The following CC2D2A variants were observed in gnomAD, a reference collection of about 807,000 sequenced individuals.
The protein encoded by CC2D2A is coiled-coil and C2 domain-containing protein 2A.
Under a neutral mutation model 212.9 loss-of-function variants are expected in CC2D2A, and 155 were observed. That is an observed-to-expected ratio of 0.73 (90% CI 0.64 to 0.83). The LOEUF (loss-of-function observed/expected upper bound fraction) is 0.83. Ranked by LOEUF, CC2D2A falls within the 40% of genes least tolerant of loss-of-function variation. CC2D2A has a pLI of 0.00. For missense variants in CC2D2A, 1,856 were observed against 1,956.2 expected, an observed-to-expected ratio of 0.95 and a Z score of 0.97; for synonymous variants, 667 against 686.5, an observed-to-expected ratio of 0.97 and a Z score of 0.44.
At chr4:15,496,278 T>C (rs575493569) in intron 4 of CC2D2A, among the ~76,000 whole-genome samples, 1 of 152,320 alleles carries the variant, frequency 6.6e-6, no homozygotes, top group South Asian at 2.1e-4. Flanking sequence ...GCAATTGCTT[T>C]TGGAGACTTC....
chr4:15,522,708 T>G (rs891809106), intron 11 of CC2D2A, among the ~76,000 whole-genome samples: 28 of 152,232 alleles, frequency 1.8e-4, no homozygotes, highest in African/African-American at 6.7e-4. Context: ...TAATACATCT[T>G]AAGAAGTAAT....
At chr4:15,582,627 C>G (rs1229976288) in intron 30 of CC2D2A, among the ~76,000 whole-genome samples, 2 of 152,080 alleles carry the variant, frequency 1.3e-5, no homozygotes, top group African/African-American at 2.4e-5. Flanking sequence ...ACATATACAA[C>G]TTACCAAGAC....
rs891563115 is a variant in CC2D2A at position 15,503,190 on chromosome 4, C to A, written c.438+267C>A. 5.3e-5 allele frequency among the ~76,000 whole-genome samples: 8 copies of A among 152,158 alleles called. No individual in the cohort carries two copies. The East Asian group carries it at 1.5e-3, about 29-fold the overall frequency. ...TGCTGGCTTGTGCCTGTAGTCCCAG[C>A]TACTCGGGAGGCTGAGGTGGGAGGA... On this transcript the variant is annotated intron_variant, in intron 6 of 36. Transcript: ENST00000424120.
intron 8 of CC2D2A, 129 bp downstream of exon 8, chr4:15,511,552 G>A (rs907541110): frequency 4.9e-6 from 4 of 823,930 alleles, no homozygotes; most frequent in African/African-American, 3.6e-5. Context: ...CCACGTCTGA[G>A]TTGAAATCCC....
chr4:15,570,451 G>A lies in CC2D2A; in HGVS notation c.3549G>A (p.Leu1183=). 6.2e-7 allele frequency: 1 copy of A among 1,608,558 alleles called. No homozygotes were observed. The highest frequency in any genetic ancestry group is 8.5e-7 in the Non-Finnish European group (1 of 1,176,702). ...ATACTCGTATTGAGAGACACTGGCT[G>A]GGATGTGTGAAAATGCCATTTAGCA... ...GIHTRIERHW[L]GCVKMPFSTI... The change falls in exon 28 of 37, where the codon CTG becomes CTA. Residue 1183 remains leucine (L), a synonymous_variant. Transcript: ENST00000424120.
intron 23 of CC2D2A, among the ~76,000 whole-genome samples, chr4:15,561,992 C>T (rs759212): frequency 0.45 from 68,272 of 152,036 alleles, 15,585 homozygotes; most frequent in African/African-American, 0.52. Flanking sequence ...ATATTATATG[C>T]GTAAAGATTA....
At position 15,574,380 on chromosome 4, in the gene CC2D2A, GCTTGCTAGGCTATA is replaced by G. The variant is rs957500517; in HGVS notation, c.3771+58_3771+71del. The G allele has an allele frequency of 9.6e-6, 13 of 1,347,508 alleles. No homozygotes were observed. In the African/African-American group the frequency reaches 1.8e-4, roughly 18 times the overall value. 83.5% of individuals were successfully genotyped at this position (1,347,508 alleles called of 1,614,324 possible). On this transcript the variant is annotated intron_variant, in intron 29 of 36. Transcript: ENST00000424120. ...TCTATGTTGATAAAACACAAGAAATGCTTGCTAGGCTATACTTTTATGAACTTTTTCCTACACAA... is the reference window on the plus strand; with the variant it reads ...TCTATGTTGATAAAACACAAGAAATGCTTTTATGAACTTTTTCCTACACAA...
chr4:15,553,301 C>T lies in CC2D2A; in HGVS notation c.2482C>T (p.Arg828Trp), dbSNP rs749997192. 1.4e-5 allele frequency: 23 copies of T among 1,611,884 alleles called. No homozygotes were observed. The highest frequency in any genetic ancestry group is 5.3e-5 in the African/African-American group (4 of 74,912). Residue 828 changes from arginine (R) to tryptophan (W), a missense_variant, in exon 19 of 37, where the codon CGG (arginine) becomes TGG (tryptophan). Arg to Trp is a moderately radical substitution (Grantham distance 101, BLOSUM62 -3). Around this residue, in one of 5 missense-constraint regions of CC2D2A, gnomAD observed 1,512 missense variants for 1,579.3 expected, o/e 0.96. Transcript: ENST00000424120. ...ATTGTCACAGCAGAACATCGGATTT[C>T]GGAGGTAATACATGGCAAGAGTAAA... is the stretch of plus-strand genomic sequence containing the variant. ...PPLSQQNIGF[R>W]SALKKADAIS...
intron 4 of CC2D2A, among the ~76,000 whole-genome samples, chr4:15,501,647 A>C (rs1296678052): frequency 6.6e-6 from 1 of 152,082 alleles, no homozygotes; most frequent in Non-Finnish European, 1.5e-5. Flanking sequence ...GTAATGGTTT[A>C]GAGAATTGGG....
At chr4:15,585,793 T>C (rs976391981) in intron 30 of CC2D2A, among the ~76,000 whole-genome samples, 1 of 152,212 alleles carries the variant, frequency 6.6e-6, no homozygotes, top group Non-Finnish European at 1.5e-5. Flanking sequence ...CCAAGTACTA[T>C]TACCCTCTCA....
At chr4:15,482,222 A>G in intron 4 of CC2D2A, 4 of 985,266 alleles carry the variant, frequency 4.1e-6, no homozygotes, top group Non-Finnish European at 4.8e-6. Flanking sequence ...CAATGATACA[A>G]TGAGAGCTGT....
intron 2 of CC2D2A, among the ~76,000 whole-genome samples, chr4:15,478,511 G>C (rs1439268784): frequency 2.6e-5 from 4 of 152,202 alleles, no homozygotes; most frequent in Non-Finnish European, 5.9e-5. Flanking sequence ...TCTCGTGTAT[G>C]ATGGTCCAAT....
Position 15,510,325 on chromosome 4 carries a change from G to C in CC2D2A, c.540+85G>C, listed in dbSNP as rs140125447. 3 of 1,200,154 alleles carry C rather than the reference G, an allele frequency of 2.5e-6. No individual in the cohort carries two copies. In the Admixed American group the frequency reaches 6.2e-5, roughly 25 times the overall value. 74.3% of individuals were successfully genotyped at this position (1,200,154 alleles called of 1,614,324 possible). A position where few individuals can be genotyped will look rare whatever the true frequency, so the allele number is the denominator to read the frequency against. On this transcript the variant is annotated intron_variant, in intron 7 of 36. Transcript: ENST00000424120. ...GACACATGACTACAGGCCGGGTGTG[G>C]TGGCTCACGCCTGCAATCCCAGCGC...
At chr4:15,499,070 A>C (rs1480082314) in intron 4 of CC2D2A, among the ~76,000 whole-genome samples, 1 of 152,214 alleles carries the variant, frequency 6.6e-6, no homozygotes, top group African/African-American at 2.4e-5. Flanking sequence ...TTAAAAACAA[A>C]ATCAGTAAAA....
chr4:15,490,290 A>G (rs1168739629), intron 4 of CC2D2A, among the ~76,000 whole-genome samples: 2 of 152,174 alleles, frequency 1.3e-5, no homozygotes, highest in African/African-American at 2.4e-5. Context: ...CTTTGTGCCT[A>G]TTTGCCTCCA....
chr4:15,491,548 G>A (rs1049658618), intron 4 of CC2D2A, among the ~76,000 whole-genome samples: 6 of 152,112 alleles, frequency 3.9e-5, no homozygotes, highest in Admixed American at 3.9e-4. Context: ...GGGATTACAG[G>A]TGCTCACCAC....
At chr4:15,498,333 A>G (rs952838270) in intron 4 of CC2D2A, among the ~76,000 whole-genome samples, 11 of 152,328 alleles carry the variant, frequency 7.2e-5, no homozygotes, top group East Asian at 3.9e-4. Flanking sequence ...GTCATTATCC[A>G]TAAGTTCTTG....
chr4:15,589,792 T>TAG, intron 33 of CC2D2A, 113 bp downstream of exon 33: 1 of 295,098 alleles, frequency 3.4e-6, no homozygotes, highest in Non-Finnish European at 5.2e-6. Context: ...TGAATATATA[T>TAG]ATATATACAC....
At chr4:15,593,039 T>A (rs900948043) in intron 33 of CC2D2A, among the ~76,000 whole-genome samples, 1 of 152,236 alleles carries the variant, frequency 6.6e-6, no homozygotes. Context: ...ATGCCATTAT[T>A]GTTTTGCCCT....
Sources: gnomAD v4.1 joint callset for allele counts (sites outside exome capture counted in the v4.1 genomes callset) on GRCh38, gnomAD v4.1.1 for gene constraint, gnomAD v4.1.1 regional missense constraint, MANE v1.5 for transcripts, NCBI Gene and HGNC (gene_info 2026-07-23, HGNC 2026-07-21) for gene names.